The following HACD2 variants were observed in gnomAD, a reference collection of about 807,000 sequenced individuals.
HACD2 encodes the protein very-long-chain (3R)-3-hydroxyacyl-CoA dehydratase 2.
Under a neutral mutation model 31.0 loss-of-function variants are expected in HACD2, and 15 were observed. The observed-to-expected ratio is 0.48, with a 90% CI of 0.32 to 0.75. The LOEUF (loss-of-function observed/expected upper bound fraction) is 0.75, where lower values mean the gene tolerates loss of function less well. Among genes scored for constraint, HACD2 ranks in the 30% least tolerant of loss-of-function variants. HACD2 has a pLI of 0.03. For missense variants in HACD2, 283 were observed against 313.0 expected (o/e 0.90, Z 0.72); for synonymous variants, 115 against 122.2 (o/e 0.94, Z 0.39).
intron 4 of HACD2, among the ~76,000 whole-genome samples, chr3:123,519,533 T>A (rs146158510): frequency 9.8e-5 from 15 of 152,340 alleles, no homozygotes; most frequent in African/African-American, 3.6e-4. Context: ...TCCTCTATGA[T>A]CTTTAAGATT....
At chr3:123,539,911 T>TTAA (rs770367599) in intron 3 of HACD2, among the ~76,000 whole-genome samples, 3 of 24,478 alleles carry the variant, frequency 1.2e-4, no homozygotes, top group Non-Finnish European at 1.9e-4. Flanking sequence ...TCGTCTCTAC[T>TTAA]AAAAAAAAAA....
At chr3:123,580,734 G>A (rs965016632) in intron 2 of HACD2, among the ~76,000 whole-genome samples, 1 of 150,196 alleles carries the variant, frequency 6.7e-6, no homozygotes, top group Non-Finnish European at 1.5e-5. Flanking sequence ...AGTGAGCCAC[G>A]GCCATGATGG....
chr3:123,512,736 G>T (rs1000894116), intron 4 of HACD2, among the ~76,000 whole-genome samples: 1 of 152,104 alleles, frequency 6.6e-6, no homozygotes, highest in Non-Finnish European at 1.5e-5. Flanking sequence ...GAACACTGAG[G>T]TATTAGACTG....
At chr3:123,565,025 G>A (rs1370319824) in intron 3 of HACD2, among the ~76,000 whole-genome samples, 2 of 152,148 alleles carry the variant, frequency 1.3e-5, no homozygotes, top group Non-Finnish European at 2.9e-5. Flanking sequence ...GAGGAACTCA[G>A]GGGATGCCCA....
At chr3:123,503,519 C>A (rs1406040251) in intron 4 of HACD2, among the ~76,000 whole-genome samples, 2 of 151,942 alleles carry the variant, frequency 1.3e-5, no homozygotes, top group Non-Finnish European at 2.9e-5. Flanking sequence ...CTGAAAAAAA[C>A]AATAAAGGTT....
intron 2 of HACD2, among the ~76,000 whole-genome samples, chr3:123,572,701 A>C (rs1445733450): frequency 6.6e-6 from 1 of 151,930 alleles, no homozygotes; most frequent in Non-Finnish European, 1.5e-5. Context: ...TTTGTAGGTT[A>C]CCAACAATTC....
intron 2 of HACD2, among the ~76,000 whole-genome samples, chr3:123,574,973 A>T (rs1263212613): frequency 6.6e-6 from 1 of 152,142 alleles, no homozygotes; most frequent in Non-Finnish European, 1.5e-5. Flanking sequence ...ACTTCATTCT[A>T]TCCTGGTAAA....
intron 3 of HACD2, among the ~76,000 whole-genome samples, chr3:123,529,147 C>T (rs796855991): frequency 8.5e-5 from 13 of 152,240 alleles, no homozygotes; most frequent in African/African-American, 3.1e-4. Context: ...GTCACCCAGG[C>T]TGGAGTGTAG....
intron 4 of HACD2, among the ~76,000 whole-genome samples, chr3:123,504,062 T>C (rs945180029): frequency 1.3e-5 from 2 of 152,222 alleles, no homozygotes; most frequent in Non-Finnish European, 2.9e-5. Context: ...GCAAGAGTAC[T>C]TTCTGTTTTC....
At chr3:123,571,845 A>G (rs1449917883) in intron 2 of HACD2, among the ~76,000 whole-genome samples, 1 of 152,122 alleles carries the variant, frequency 6.6e-6, no homozygotes, top group African/African-American at 2.4e-5. Context: ...TAAGACCACA[A>G]CCTTCTTCTA....
intron 4 of HACD2, among the ~76,000 whole-genome samples, chr3:123,521,884 A>G (rs1004299941): frequency 5.3e-5 from 8 of 152,154 alleles, no homozygotes; most frequent in African/African-American, 1.9e-4. Context: ...TTTCTTTTAC[A>G]TGTAACTAAC....
chr3:123,568,690 G>A (rs1198091978), intron 2 of HACD2, among the ~76,000 whole-genome samples: 7 of 152,148 alleles, frequency 4.6e-5, no homozygotes, highest in Non-Finnish European at 8.8e-5. Flanking sequence ...TGGCAAAAAA[G>A]TAATTTGAAG....
Position 123,510,935 on chromosome 3 carries a change from T to TGG in HACD2, c.382-8255_382-8254insCC, listed in dbSNP as rs1559902811. Among the ~76,000 whole-genome samples, 512 of 127,768 alleles carry TGG rather than the reference T, an allele frequency of 4.0e-3. 4 individuals carry two copies. Among genetic ancestry groups the TGG allele is most frequent in the African/African-American group, 0.016 (503 of 32,142 alleles). The allele number at this position is 127,768 out of a possible 152,430, so 83.8% of individuals were successfully genotyped here. A position where few individuals can be genotyped will look rare whatever the true frequency, so the allele number is the denominator to read the frequency against. On this transcript the variant is annotated intron_variant, in intron 4 of 6. Coordinates refer to ENST00000383657, the MANE Select transcript of HACD2 (RefSeq NM_198402.5). Reference sequence around the variant, plus strand: ...TTCTCCACTGCTCATTTGCTGTGTTTTTTTTTTTTGTTTTTTTTTGTTTTT... The same window carrying TGG: ...TTCTCCACTGCTCATTTGCTGTGTTTGGTTTTTTTTTGTTTTTTTTTGTTTTT...
At chr3:123,559,508 G>A (rs1213355630) in intron 3 of HACD2, among the ~76,000 whole-genome samples, 5 of 152,250 alleles carry the variant, frequency 3.3e-5, no homozygotes, top group African/African-American at 7.2e-5. Flanking sequence ...ATTTCAGAAC[G>A]AGTGGCTGTA....
intron 4 of HACD2, among the ~76,000 whole-genome samples, chr3:123,503,325 T>A (rs2055929717): frequency 6.7e-6 from 1 of 150,150 alleles, no homozygotes. Flanking sequence ...AGAATTCCAG[T>A]GAGGGGAGGG....
intron 3 of HACD2, among the ~76,000 whole-genome samples, chr3:123,534,710 T>C (rs1008748133): frequency 2.6e-5 from 4 of 152,008 alleles, no homozygotes; most frequent in African/African-American, 4.8e-5. Context: ...TCCATGTGTG[T>C]TAGTGCCTCC....
intron 4 of HACD2, among the ~76,000 whole-genome samples, chr3:123,503,310 CAAG>C (rs2055929609): frequency 2.0e-5 from 3 of 150,928 alleles, no homozygotes; most frequent in East Asian, 1.9e-4. Context: ...GCTCACAGAG[CAAG>C]AAGAATTCCA....
intron 2 of HACD2, among the ~76,000 whole-genome samples, chr3:123,576,249 CTT>C (rs34519256): frequency 2.1e-4 from 31 of 146,980 alleles, no homozygotes; most frequent in African/African-American, 4.4e-4. Flanking sequence ...ATTTTTAGTT[CTT>C]TTTTTTTTTT....
At chr3:123,545,286 C>T (rs113600237) in intron 3 of HACD2, among the ~76,000 whole-genome samples, 1 of 149,626 alleles carries the variant, frequency 6.7e-6, no homozygotes, top group Non-Finnish European at 1.5e-5. Context: ...GTTTGAGACT[C>T]GCCTGGTCAA....
Sources: gnomAD v4.1 joint callset for allele counts (sites outside exome capture counted in the v4.1 genomes callset) on GRCh38, gnomAD v4.1.1 for gene constraint, MANE v1.5 for transcripts, NCBI Gene and HGNC (gene_info 2026-07-23, HGNC 2026-07-21) for gene names.